DCC: variants seen among roughly 807,000 people sequenced by gnomAD.
The protein encoded by DCC is netrin receptor DCC.
DCC carries 58 observed loss-of-function variants against 172.5 expected under a neutral mutation model. The observed-to-expected ratio is 0.34, with a 90% CI of 0.27 to 0.42. The LOEUF (loss-of-function observed/expected upper bound fraction) is 0.42. Among genes scored for constraint, DCC ranks in the 10% least tolerant of loss-of-function variants. The pLI, the probability that DCC is intolerant of heterozygous loss-of-function variation, is 1.00. For synonymous variants in DCC, 709 were observed against 644.5 expected (o/e 1.10, Z -1.52); for missense variants, 1,740 against 1,791.0 (o/e 0.97, Z 0.51).
chr18:52,640,468 C>T (rs2034868864), intron 1 of DCC, among the ~76,000 whole-genome samples: 1 of 152,102 alleles, frequency 6.6e-6, no homozygotes, highest in Non-Finnish European at 1.5e-5. Flanking sequence ...ACCCTAAGAC[C>T]TCCTCCAGAA....
rs1188240301 is a variant in DCC, at chr18:52,405,232, C to T, written c.91+64354C>T. ...TTCTAGTTCTAGATCCCTGAGGAATCGCCACACTGTCTTCCACAATGGTTA... is the reference window on the plus strand; with the variant it reads ...TTCTAGTTCTAGATCCCTGAGGAATTGCCACACTGTCTTCCACAATGGTTA... On this transcript the variant is annotated intron_variant, in intron 1 of 28. Coordinates refer to ENST00000442544, the MANE Select transcript of DCC (RefSeq NM_005215.4). Among the ~76,000 whole-genome samples, 7 of 150,350 alleles carry T rather than the reference C, an allele frequency of 4.7e-5. No individual in the cohort carries two copies. In the East Asian group the frequency reaches 5.9e-4, roughly 13 times the overall value.
At chr18:52,778,349 G>A (rs1449890540) in intron 2 of DCC, among the ~76,000 whole-genome samples, 3 of 152,106 alleles carry the variant, frequency 2.0e-5, no homozygotes, top group Admixed American at 6.5e-5. Context: ...ATCTTGGGGT[G>A]TCTTTAATAA....
chr18:52,553,364 G>A (rs2032828491), intron 1 of DCC, among the ~76,000 whole-genome samples: 1 of 151,958 alleles, frequency 6.6e-6, no homozygotes, highest in Non-Finnish European at 1.5e-5. Flanking sequence ...GACCATCATA[G>A]AACAAATATC....
At chr18:52,449,658 T>G (rs953805812) in intron 1 of DCC, among the ~76,000 whole-genome samples, 1 of 152,246 alleles carries the variant, frequency 6.6e-6, no homozygotes, top group Admixed American at 6.5e-5. Context: ...TCATGTACTC[T>G]GATATGGTTT....
At chr18:52,931,026 AG>A (rs144315105) in intron 5 of DCC, among the ~76,000 whole-genome samples, 59,549 of 130,232 alleles carry the variant, frequency 0.46, 12,286 homozygotes, top group Non-Finnish European at 0.54. Context: ...TCTGTTTTTA[AG>A]GGATTTTTTT....
chr18:52,669,410 T>C (rs2035512667), intron 1 of DCC, among the ~76,000 whole-genome samples: 1 of 152,208 alleles, frequency 6.6e-6, no homozygotes, highest in South Asian at 2.1e-4. Context: ...GAAGGAGATT[T>C]GTTTTGGGAA....
At chr18:53,513,593 G>A (rs1193905395) in intron 27 of DCC, among the ~76,000 whole-genome samples, 2 of 152,024 alleles carry the variant, frequency 1.3e-5, no homozygotes, top group Admixed American at 6.6e-5. Context: ...GACACACATA[G>A]GCTCAAAATA....
intron 7 of DCC, among the ~76,000 whole-genome samples, chr18:53,111,695 TG>T (rs1320082931): frequency 6.6e-5 from 10 of 151,698 alleles, no homozygotes; most frequent in African/African-American, 2.2e-4. Context: ...TTTATGCTAA[TG>T]GGATACATAT....
chr18:53,021,013 GGCTTAGAA>G (rs1244239375), intron 5 of DCC, among the ~76,000 whole-genome samples: 1 of 152,150 alleles, frequency 6.6e-6, no homozygotes, highest in Admixed American at 6.5e-5. Context: ...AACCAGCTGT[GGCTTAGAA>G]GCCAGGGAGC....
chr18:53,256,530 G>A (rs62097975), intron 12 of DCC, among the ~76,000 whole-genome samples: 6 of 151,650 alleles, frequency 4.0e-5, no homozygotes, highest in African/African-American at 1.2e-4. Flanking sequence ...TGTAATATGC[G>A]GCATTATTTC....
At chr18:53,375,743 T>C (rs2058103966) in intron 15 of DCC, among the ~76,000 whole-genome samples, 1 of 152,016 alleles carries the variant, frequency 6.6e-6, no homozygotes, top group South Asian at 2.1e-4. Flanking sequence ...AGTGCTCCAC[T>C]TGTGAGCTGC....
intron 1 of DCC, among the ~76,000 whole-genome samples, chr18:52,344,206 A>G (rs944361427): frequency 6.6e-6 from 1 of 152,206 alleles, no homozygotes; most frequent in Admixed American, 6.5e-5. Context: ...TTTTCATTGA[A>G]GAGGAAGAGC....
intron 1 of DCC, among the ~76,000 whole-genome samples, chr18:52,470,814 C>A (rs1988925405): frequency 6.6e-6 from 1 of 152,146 alleles, no homozygotes; most frequent in South Asian, 2.1e-4. Flanking sequence ...CACTTATTGT[C>A]TCTAGAATTA....
intron 14 of DCC, among the ~76,000 whole-genome samples, chr18:53,331,102 T>C (rs889606668): frequency 6.6e-6 from 1 of 152,236 alleles, no homozygotes; most frequent in Non-Finnish European, 1.5e-5. Context: ...CTCTCTGTTG[T>C]ATTTTTTCAT....
chr18:53,061,218 A>G (rs1291036235), intron 5 of DCC, among the ~76,000 whole-genome samples: 1 of 152,060 alleles, frequency 6.6e-6, no homozygotes, highest in South Asian at 2.1e-4. Flanking sequence ...ATCTGGCTCC[A>G]TTATTTGGGC....
chr18:53,193,849 G>T (rs1365103910), intron 9 of DCC, among the ~76,000 whole-genome samples: 1 of 152,148 alleles, frequency 6.6e-6, no homozygotes, highest in Non-Finnish European at 1.5e-5. Context: ...TATCTTTTAA[G>T]GTAGGATCTT....
At chr18:53,049,757 G>A (rs781337446) in intron 5 of DCC, among the ~76,000 whole-genome samples, 1 of 151,964 alleles carries the variant, frequency 6.6e-6, no homozygotes, top group Non-Finnish European at 1.5e-5. Context: ...GATAGAAATA[G>A]CATTGAGTCT....
At chr18:53,420,533 C>A (rs1910587421) in intron 21 of DCC, among the ~76,000 whole-genome samples, 1 of 152,094 alleles carries the variant, frequency 6.6e-6, no homozygotes, top group Non-Finnish European at 1.5e-5. Flanking sequence ...AGCTGGAAGT[C>A]CCAGATCAAG....
chr18:53,282,112 T>C (rs1255719932), intron 12 of DCC, among the ~76,000 whole-genome samples: 2 of 152,182 alleles, frequency 1.3e-5, no homozygotes, highest in African/African-American at 4.8e-5. Context: ...AAATATCATA[T>C]GTAATTCACA....
Sources: allele counts gnomAD v4.1 joint callset (sites outside exome capture counted in the v4.1 genomes callset), GRCh38; gene constraint gnomAD v4.1.1; transcripts MANE v1.5; gene names NCBI Gene and HGNC (gene_info 2026-07-23, HGNC 2026-07-21).